The following NCALD variants were observed in gnomAD, a reference collection of about 807,000 sequenced individuals.
NCALD encodes neurocalcin delta.
Under a neutral mutation model 18.6 loss-of-function variants are expected in NCALD, and 10 were observed. The ratio of observed to expected loss-of-function variants is 0.54; its 90% CI spans 0.33 to 0.91. The LOEUF is 0.91. Among genes scored for constraint, NCALD ranks in the 40% least tolerant of loss-of-function variants. The pLI is 0.03. For synonymous variants in NCALD, 88 were observed against 87.4 expected (o/e 1.01, Z -0.04); for missense variants, 184 against 247.6 (o/e 0.74, Z 1.72).
In NCALD at chr8:102,083,304, G is replaced by A. The variant is rs187277050; in HGVS notation, c.-210+40933C>T. On this transcript the variant is annotated intron_variant, in intron 1 of 6. Transcript: ENST00000311028. ...GCAGACCAGTATTTCAAACCAGCTCGGCATGATTTTGGCTTATCTTTGGCA... is the reference window on the plus strand; with the variant it reads ...GCAGACCAGTATTTCAAACCAGCTCAGCATGATTTTGGCTTATCTTTGGCA... Among the ~76,000 whole-genome samples, 91 of 152,230 alleles carry A rather than the reference G, an allele frequency of 6.0e-4. 1 individual carries two copies. The highest frequency in any genetic ancestry group is 5.4e-3 in the East Asian group (28 of 5,188).
Position 101,983,223 on chromosome 8 carries a change from T to C in NCALD, c.-157+37014A>G, listed in dbSNP as rs577707255. On this transcript the variant is annotated intron_variant, in intron 2 of 6. Transcript: ENST00000311028. ...GGTAGTGAGGGCTGCTGTCACCTAA[T>C]TGATGGGCATGTTTTCTCTTCTTCC... 4.6e-5 allele frequency among the ~76,000 whole-genome samples: 7 copies of C among 152,298 alleles called. No individual in the cohort carries two copies. The South Asian group carries it at 6.2e-4, about 14-fold the overall frequency.
intron 2 of NCALD, among the ~76,000 whole-genome samples, chr8:102,008,498 G>T (rs1455671764): frequency 6.8e-6 from 1 of 146,300 alleles, no homozygotes; most frequent in Non-Finnish European, 1.5e-5. Context: ...AAAAAGACAT[G>T]CAAGATCATT....
chr8:101,858,816 A>C (rs1024865562), intron 4 of NCALD, among the ~76,000 whole-genome samples: 4 of 152,170 alleles, frequency 2.6e-5, no homozygotes, highest in Admixed American at 6.5e-5. Flanking sequence ...AGTATAGTGC[A>C]CTTAATTATG....
chr8:101,881,060 A>C (rs1225398415), intron 4 of NCALD, among the ~76,000 whole-genome samples: 2 of 152,218 alleles, frequency 1.3e-5, no homozygotes, highest in African/African-American at 4.8e-5. Flanking sequence ...TTTGAACTAC[A>C]TGTGACACTT....
intron 3 of NCALD, chr8:101,690,284 C>A (rs1306083961): frequency 1.0e-6 from 1 of 985,296 alleles, no homozygotes; most frequent in Non-Finnish European, 1.2e-6. Context: ...CTTTGTCTAC[C>A]CCGCCCCTGG....
intron 2 of NCALD, among the ~76,000 whole-genome samples, chr8:102,007,695 G>A (rs763280037): frequency 6.6e-6 from 1 of 152,212 alleles, no homozygotes; most frequent in Non-Finnish European, 1.5e-5. Flanking sequence ...GTAGGTGCAG[G>A]TAATTATAGA....
chr8:101,965,417 T>A (rs888981904), intron 2 of NCALD, among the ~76,000 whole-genome samples: 1 of 152,158 alleles, frequency 6.6e-6, no homozygotes, highest in East Asian at 1.9e-4. Flanking sequence ...ATATATACCA[T>A]GGAATACTAT....
intron 2 of NCALD, among the ~76,000 whole-genome samples, chr8:101,991,991 T>G (rs1821065914): frequency 6.6e-6 from 1 of 152,224 alleles, no homozygotes; most frequent in Non-Finnish European, 1.5e-5. Flanking sequence ...AAACCCCTGC[T>G]TCTCTGGTTG....
chr8:101,911,347 CT>C (rs923592706), intron 3 of NCALD, among the ~76,000 whole-genome samples: 1 of 144,876 alleles, frequency 6.9e-6, no homozygotes, highest in South Asian at 2.2e-4. Flanking sequence ...TTTCTCTTTT[CT>C]TTTTTTTCTT....
rs1311115646 is a variant in NCALD at position 102,050,757 on chromosome 8, A to G, written c.-209-30468T>C. 3.4e-5 allele frequency among the ~76,000 whole-genome samples: 5 copies of G among 146,754 alleles called. No individual in the cohort carries two copies. In the East Asian group the frequency reaches 9.7e-4, roughly 29 times the overall value. ...TATGAATTTTATATAATTTATATATAAATATATAATTTTATTTTTAATTTA... is the reference window on the plus strand; with the variant it reads ...TATGAATTTTATATAATTTATATATGAATATATAATTTTATTTTTAATTTA... On this transcript the variant is annotated intron_variant, in intron 1 of 6. Transcript: ENST00000311028.
chr8:101,720,452 A>T (rs965626860), intron 1 of NCALD, among the ~76,000 whole-genome samples: 1 of 152,220 alleles, frequency 6.6e-6, no homozygotes, highest in Admixed American at 6.5e-5. Context: ...GTATCACTTC[A>T]AATACTAACC....
intron 1 of NCALD, among the ~76,000 whole-genome samples, chr8:102,109,365 A>G (rs1825573733): frequency 6.6e-6 from 1 of 152,162 alleles, no homozygotes; most frequent in South Asian, 2.1e-4. Flanking sequence ...GTTAAAGGAG[A>G]AAAGCAATCA....
intron 2 of NCALD, among the ~76,000 whole-genome samples, chr8:102,011,295 C>A (rs1170396742): frequency 6.6e-6 from 1 of 152,202 alleles, no homozygotes; most frequent in African/African-American, 2.4e-5. Context: ...CCTCAATATT[C>A]TTCTCCTCTT....
chr8:101,914,510 C>A (rs534597628), intron 3 of NCALD, among the ~76,000 whole-genome samples: 1 of 152,264 alleles, frequency 6.6e-6, no homozygotes, highest in East Asian at 1.9e-4. Flanking sequence ...TCTGTGCAGC[C>A]CCCAGGGAGG....
At chr8:101,908,295 C>T (rs1435640727) in intron 3 of NCALD, among the ~76,000 whole-genome samples, 1 of 152,216 alleles carries the variant, frequency 6.6e-6, no homozygotes, top group East Asian at 1.9e-4. Flanking sequence ...CTTGATTTTA[C>T]ACAGGCTCTT....
At chr8:101,804,519 A>G in intron 4 of NCALD, among the ~76,000 whole-genome samples, 1 of 118,980 alleles carries the variant, frequency 8.4e-6, no homozygotes, top group South Asian at 2.3e-4. Context: ...ATAATATATA[A>G]CAAAGATTAT....
At chr8:101,713,537 G>A (rs573082502) in intron 2 of NCALD, among the ~76,000 whole-genome samples, 111 of 151,718 alleles carry the variant, frequency 7.3e-4, no homozygotes, top group African/African-American at 2.6e-3. Context: ...CCACTAGCCA[G>A]ATTAATAAAG....
intron 1 of NCALD, among the ~76,000 whole-genome samples, chr8:102,072,723 T>A (rs1824216794): frequency 6.6e-6 from 1 of 152,288 alleles, no homozygotes; most frequent in Admixed American, 6.5e-5. Flanking sequence ...ACAATTTACA[T>A]AAGCTATACA....
chr8:102,070,326 C>A (rs192035763), intron 1 of NCALD, among the ~76,000 whole-genome samples: 64 of 151,994 alleles, frequency 4.2e-4, no homozygotes, highest in African/African-American at 1.4e-3. Flanking sequence ...TTGAAAAATT[C>A]AAATATTTGA....
Sources: allele counts gnomAD v4.1 joint callset (sites outside exome capture counted in the v4.1 genomes callset), GRCh38; gene constraint gnomAD v4.1.1; transcripts MANE v1.5; gene names NCBI Gene and HGNC (gene_info 2026-07-23, HGNC 2026-07-21).